The following DRC5 variants were observed in gnomAD, a reference collection of about 807,000 sequenced individuals.
DRC5 encodes the protein dynein regulatory complex subunit 5.
the DRC5 span, among the ~76,000 whole-genome samples, chr6:44,281,302 T>C: frequency 1.3e-5 from 2 of 152,176 alleles, no homozygotes; most frequent in African/African-American, 2.4e-5. Flanking sequence ...TTTTAAAAAA[T>C]ACAATAGAAT....
chr6:44,288,892 G>C, the DRC5 span, among the ~76,000 whole-genome samples: 103 of 144,218 alleles, frequency 7.1e-4, no homozygotes, highest in Non-Finnish European at 1.0e-3. Flanking sequence ...TACTCGGAAG[G>C]CTGAGGCATG....
the DRC5 span, among the ~76,000 whole-genome samples, chr6:44,284,984 A>G: frequency 6.6e-6 from 1 of 152,336 alleles, no homozygotes; most frequent in South Asian, 2.1e-4. Flanking sequence ...AAGGATAAAG[A>G]TAGCCTCCTG....
the DRC5 span, chr6:44,281,992 G>T: frequency 1.1e-6 from 1 of 933,162 alleles, no homozygotes; most frequent in Non-Finnish European, 1.6e-6. Flanking sequence ...CACAGTATGT[G>T]TGCATACTTG....
At chr6:44,285,500 C>T in the DRC5 span, among the ~76,000 whole-genome samples, 2 of 152,212 alleles carry the variant, frequency 1.3e-5, no homozygotes, top group African/African-American at 2.4e-5. Flanking sequence ...AGGGATTCTC[C>T]TACCTCAGCC....
chr6:44,282,774 T>C, the DRC5 span, among the ~76,000 whole-genome samples: 2 of 151,120 alleles, frequency 1.3e-5, no homozygotes, highest in South Asian at 4.2e-4. Context: ...ATGCTGGGTA[T>C]GCTGCTTGGG....
the DRC5 span, among the ~76,000 whole-genome samples, chr6:44,281,665 G>A: frequency 0.038 from 5,814 of 152,284 alleles, 174 homozygotes; most frequent in Non-Finnish European, 0.06. Flanking sequence ...GATTACAGGC[G>A]TGAGCCACTG....
chr6:44,282,949 C>T, the DRC5 span, among the ~76,000 whole-genome samples: 1 of 151,916 alleles, frequency 6.6e-6, no homozygotes, highest in East Asian at 1.9e-4. Flanking sequence ...ACTACAAGTG[C>T]CCGCCACCAC....
the DRC5 span, among the ~76,000 whole-genome samples, chr6:44,283,286 C>T: frequency 1.3e-5 from 2 of 152,190 alleles, no homozygotes; most frequent in African/African-American, 2.4e-5. Context: ...TCACTGCATC[C>T]TCCTCTCCCA....
At chr6:44,291,373 T>C in the DRC5 span, among the ~76,000 whole-genome samples, 1 of 152,210 alleles carries the variant, frequency 6.6e-6, no homozygotes, top group Non-Finnish European at 1.5e-5. Context: ...AAATCTACTT[T>C]TTAAACTAAC....
the DRC5 span, chr6:44,287,649 A>G: frequency 1.9e-6 from 3 of 1,614,142 alleles, no homozygotes; most frequent in Non-Finnish European, 2.5e-6. Flanking sequence ...GGCGCATCCG[A>G]CGGATATTGG....
the DRC5 span, among the ~76,000 whole-genome samples, chr6:44,289,561 CA>C: frequency 6.6e-6 from 1 of 152,090 alleles, no homozygotes; most frequent in Non-Finnish European, 1.5e-5. Context: ...ATGCCCTGCC[CA>C]AGGTGCCAGC....
At chr6:44,280,330 A>T in the DRC5 span, 1 of 1,614,200 alleles carries the variant, frequency 6.2e-7, no homozygotes, top group South Asian at 1.1e-5. Flanking sequence ...GACAGGCGCA[A>T]GTCAAATTCC....
chr6:44,292,782 C>T, the DRC5 span, among the ~76,000 whole-genome samples: 14 of 152,134 alleles, frequency 9.2e-5, no homozygotes, highest in African/African-American at 1.7e-4. Context: ...TCTCTCCACA[C>T]GTACAAGGTC....
chr6:44,290,600 G>A, the DRC5 span, among the ~76,000 whole-genome samples: 1 of 152,198 alleles, frequency 6.6e-6, no homozygotes, highest in African/African-American at 2.4e-5. Flanking sequence ...AGAGGCAAAG[G>A]AGGAAGGTCA....
At chr6:44,287,641 C>A in the DRC5 span, 67 of 1,613,966 alleles carry the variant, frequency 4.2e-5, no homozygotes, top group Admixed American at 1.1e-3. Context: ...AATGATCCGG[C>A]GCATCCGACG....
At chr6:44,296,071 A>G in the DRC5 span, among the ~76,000 whole-genome samples, 1 of 152,202 alleles carries the variant, frequency 6.6e-6, no homozygotes, top group African/African-American at 2.4e-5. Context: ...TTCACAAATG[A>G]GGAAACTGAA....
chr6:44,281,215 G>C, the DRC5 span, among the ~76,000 whole-genome samples: 1 of 152,146 alleles, frequency 6.6e-6, no homozygotes, highest in Admixed American at 6.5e-5. Flanking sequence ...ATTTCACGTT[G>C]GGAGGCAGAA....
chr6:44,282,740 C>T, the DRC5 span, among the ~76,000 whole-genome samples: 1 of 151,326 alleles, frequency 6.6e-6, no homozygotes, highest in Non-Finnish European at 1.5e-5. Flanking sequence ...GAGGAAAGAT[C>T]ACTGTTTATT....
At chr6:44,296,704 T>C in the DRC5 span, among the ~76,000 whole-genome samples, 24 of 152,274 alleles carry the variant, frequency 1.6e-4, 1 homozygote, top group South Asian at 4.8e-3. Context: ...CCCGGGACAC[T>C]TCCCCAGGAG....
Sources: gnomAD v4.1 joint callset for allele counts (sites outside exome capture counted in the v4.1 genomes callset) on GRCh38, gnomAD v4.1.1 for gene constraint, MANE v1.5 for transcripts, NCBI Gene and HGNC (gene_info 2026-07-23, HGNC 2026-07-21) for gene names.